Variants in FAM240C observed in about 807,000 individuals in gnomAD.
The protein encoded by FAM240C is family with sequence similarity 240 member C.
FAM240C carries 14 observed loss-of-function variants against 10.0 expected under a neutral mutation model. That is an observed-to-expected ratio of 1.40 (90% CI 0.92 to 2.19). FAM240C has a LOEUF of 2.19. Among genes scored for constraint, FAM240C ranks in the 30% most tolerant of loss-of-function variants. FAM240C has a pLI of 0.00. For missense variants in FAM240C, 154 were observed against 122.3 expected, an observed-to-expected ratio of 1.26 and a Z score of -1.22; for synonymous variants, 49 against 44.3, an observed-to-expected ratio of 1.11 and a Z score of -0.42.
intron 2 of FAM240C, among the ~76,000 whole-genome samples, chr2:241,896,713 TG>T (rs1204262403): frequency 0.043 from 51 of 1,174 alleles, 8 homozygotes; most frequent in South Asian, 0.17. Context: ...GTGTGGGTGT[TG>T]GGGGTGTGTG....
upstream of FAM240C, among the ~76,000 whole-genome samples, chr2:241,900,640 GT>G (rs1472459749): frequency 3.9e-5 from 6 of 152,142 alleles, no homozygotes; most frequent in African/African-American, 2.4e-5. This position sits in a 1 kb window ranked among gnomAD's most constrained non-coding sequence, Gnocchi z 4.5. Context: ...CATCGGGACT[GT>G]TTTTTTCTTC....
intron 2 of FAM240C, among the ~76,000 whole-genome samples, chr2:241,896,142 C>T (rs997796942): frequency 6.2e-4 from 95 of 152,152 alleles, no homozygotes; most frequent in Non-Finnish European, 1.2e-3. Flanking sequence ...GCCTGAGCAC[C>T]GAGGGCTGCC....
chr2:241,899,143 C>A, intron 1 of FAM240C: 1 of 1,304,266 alleles, frequency 7.7e-7, no homozygotes, highest in South Asian at 1.2e-5. Context: ...GTAAGGGTGC[C>A]TTCTGGAGCT....
intron 2 of FAM240C, among the ~76,000 whole-genome samples, chr2:241,894,905 A>G (rs1298330645): frequency 6.6e-6 from 1 of 152,098 alleles, no homozygotes; most frequent in East Asian, 1.9e-4. Flanking sequence ...TGATCTCAGC[A>G]CCACGCATGG....
In FAM240C at chr2:241,894,316, T is replaced by G. The variant is rs1256581804; in HGVS notation, c.185A>C (p.Gln62Pro). The G allele has an allele frequency of 1.9e-6, 3 of 1,548,462 alleles. No individual in the cohort carries two copies. Among genetic ancestry groups the G allele is most frequent in the South Asian group, 1.2e-5 (1 of 84,040 alleles). ...LNKLRVGWAE[Q>P]LEGRNKMLQG... ...CAGCATCTTGTTCCTCCCCTCCAGC[T>G]GCTCAGCCCATCCCACGCGGAGCCT... The change falls in exon 3 of 3, where the codon CAG (glutamine) becomes CCG (proline). Residue 62 changes from glutamine (Q) to proline (P), a missense_variant. By Grantham distance (76) the Gln-to-Pro change is moderately conservative. Coordinates refer to ENST00000404031, the MANE Select transcript of FAM240C (RefSeq NM_001382368.1).
Position 241,894,114 on chromosome 2 carries a change from G to A in FAM240C, c.*99C>T, listed in dbSNP as rs1701728157. On this transcript the variant is annotated 3_prime_UTR_variant, in exon 3 of 3. Transcript: ENST00000404031. Reference sequence around the variant, plus strand: ...AGGTGCGGGCCATTTCCATGATGAAGATCCTGTGAACTCTGGCGTGGATGC... The same window carrying A: ...AGGTGCGGGCCATTTCCATGATGAAAATCCTGTGAACTCTGGCGTGGATGC... The A allele has an allele frequency of 7.4e-7, 1 of 1,356,908 alleles. No homozygotes were observed. The allele number at this position is 1,356,908 out of a possible 1,614,324, so 84.1% of individuals were successfully genotyped here. A position where few individuals can be genotyped will look rare whatever the true frequency, so the allele number is the denominator to read the frequency against.
At chr2:241,895,081 G>T (rs1352966314) in intron 2 of FAM240C, among the ~76,000 whole-genome samples, 1 of 152,262 alleles carries the variant, frequency 6.6e-6, no homozygotes, top group African/African-American at 2.4e-5. Flanking sequence ...GGTGAGCTGT[G>T]TCCATGAGGA....
chr2:241,896,021 G>A (rs1030301110), intron 2 of FAM240C, among the ~76,000 whole-genome samples: 17 of 152,138 alleles, frequency 1.1e-4, no homozygotes, highest in Non-Finnish European at 7.4e-5. Context: ...GCTGGGCTCT[G>A]TGCTGGGTCC....
chr2:241,899,254 C>T, intron 1 of FAM240C: 1 of 1,296,716 alleles, frequency 7.7e-7, no homozygotes, highest in Non-Finnish European at 1.0e-6. Context: ...GCGCTGTGGC[C>T]TGCGCAGCCT....
At chr2:241,896,781 TGAAGGGG>T (rs2124921598) in intron 2 of FAM240C, among the ~76,000 whole-genome samples, 1 of 17,680 alleles carries the variant, frequency 5.7e-5, no homozygotes, top group South Asian at 2.8e-3. Flanking sequence ...GGGGTGTGGG[TGAAGGGG>T]GTGTGGGTGT....
intron 2 of FAM240C, among the ~76,000 whole-genome samples, chr2:241,896,034 G>A (rs1449303164): frequency 6.6e-6 from 1 of 152,110 alleles, no homozygotes; most frequent in Non-Finnish European, 1.5e-5. Context: ...CTGGGTCCAT[G>A]TCCGTAGTTG....
In FAM240C at chr2:241,899,991, C is replaced by T. The variant is rs562490725; in HGVS notation, c.12+367G>A. ...CTAAGGCAGGAGAATGGCGTGAACC[C>T]GGGAGGCGGAGGTTGCAGTGAGCCG... On this transcript the variant is annotated intron_variant, in intron 1 of 2. Coordinates refer to ENST00000404031, the MANE Select transcript of FAM240C (RefSeq NM_001382368.1). Among the ~76,000 whole-genome samples the T allele has an allele frequency of 7.9e-5, 12 of 152,210 alleles. No individual in the cohort carries two copies. In the East Asian group the frequency reaches 1.7e-3, roughly 22 times the overall value.
chr2:241,900,648 C>G (rs904127028), upstream of FAM240C, among the ~76,000 whole-genome samples: 91 of 152,064 alleles, frequency 6.0e-4, no homozygotes, highest in African/African-American at 2.1e-3. This position sits in a 1 kb window ranked among gnomAD's most constrained non-coding sequence, Gnocchi z 4.5. Context: ...CTGTTTTTTT[C>G]TTCTTTCGAC....
At chr2:241,899,216 C>T (rs770506159) in intron 1 of FAM240C, 19 of 1,303,680 alleles carry the variant, frequency 1.5e-5, no homozygotes, top group Non-Finnish European at 1.8e-5. Flanking sequence ...TGACCCCTGG[C>T]TGGGGGCTTC....
rs141114674 is a variant in FAM240C, at chr2:241,899,397, C to T, written c.12+961G>A. 123 of 939,564 alleles carry T rather than the reference C, an allele frequency of 1.3e-4. No individual in the cohort carries two copies. In the Middle Eastern group the frequency reaches 2.8e-3, roughly 21 times the overall value. The allele number at this position is 939,564 out of a possible 1,614,324, so 58.2% of individuals were successfully genotyped here. A position where few individuals can be genotyped will look rare whatever the true frequency, so the allele number is the denominator to read the frequency against. On this transcript the variant is annotated intron_variant, in intron 1 of 2. Coordinates refer to ENST00000404031, the MANE Select transcript of FAM240C (RefSeq NM_001382368.1). ...TTGATCATGAAGGGACTGAACTCAG[C>T]CACGCCTGCCTGTGCTGAGGACGCT...
chr2:241,899,021 C>T, intron 1 of FAM240C: 3 of 881,324 alleles, frequency 3.4e-6, no homozygotes, highest in Non-Finnish European at 5.0e-6. Flanking sequence ...ACTCTTCTCT[C>T]TTGCTGGGGA....
chr2:241,899,301 T>C, intron 1 of FAM240C: 3 of 985,420 alleles, frequency 3.0e-6, no homozygotes, highest in Non-Finnish European at 3.6e-6. Flanking sequence ...GCTGGGGAGC[T>C]GCCCCTGGAG....
chr2:241,894,441 G>A, intron 2 of FAM240C, 102 bp from the exon 3 acceptor site: 1 of 1,322,014 alleles, frequency 7.6e-7, no homozygotes, highest in Admixed American at 2.3e-5. Flanking sequence ...GAGAGCAGGA[G>A]TATGACACTC....
intron 2 of FAM240C, among the ~76,000 whole-genome samples, chr2:241,896,518 GGGGTGTGGGTGTT>G: frequency 2.4e-5 from 3 of 126,868 alleles, no homozygotes; most frequent in African/African-American, 9.5e-5. Flanking sequence ...TGTGGGTGTT[GGGGTGTGGGTGTT>G]GGGGTGTGGG....
Sources: gnomAD v4.1 joint callset for allele counts (sites outside exome capture counted in the v4.1 genomes callset) on GRCh38, gnomAD v4.1.1 for gene constraint, Gnocchi (gnomAD v3.1) non-coding constraint, MANE v1.5 for transcripts, NCBI Gene and HGNC (gene_info 2026-07-23, HGNC 2026-07-21) for gene names.